The following KCTD10 variants were observed in gnomAD, a reference collection of about 807,000 sequenced individuals.
KCTD10 encodes the protein BTB/POZ domain-containing adapter for CUL3-mediated RhoA degradation protein 3.
A neutral mutation model predicts 34.6 loss-of-function variants in KCTD10; 13 were observed. The observed-to-expected ratio is 0.38, with a 90% CI of 0.24 to 0.60. The LOEUF is 0.60. Ranked by LOEUF, KCTD10 falls within the 20% of genes least tolerant of loss-of-function variation. The probability of loss-of-function intolerance (pLI) is 0.66; values close to 1 mark genes in which losing one functional copy is unlikely to be tolerated. For synonymous variants in KCTD10, 156 were observed against 168.8 expected, an observed-to-expected ratio of 0.92 and a Z score of 0.59; for missense variants, 256 against 420.3, an observed-to-expected ratio of 0.61 and a Z score of 3.42.
At chr12:109,453,725 C>T (rs561186852) in intron 6 of KCTD10, among the ~76,000 whole-genome samples, 1 of 152,330 alleles carries the variant, frequency 6.6e-6, no homozygotes, top group South Asian at 2.1e-4. Flanking sequence ...CCCCAGCTTT[C>T]TGGCTGGCCG....
intron 1 of KCTD10, chr12:109,470,008 CA>C: frequency 8.1e-7 from 1 of 1,239,212 alleles, no homozygotes; most frequent in Non-Finnish European, 1.0e-6. Flanking sequence ...TAGTTTGTCC[CA>C]AAACCCACCC....
intron 2 of KCTD10, among the ~76,000 whole-genome samples, chr12:109,462,083 G>C (rs570421743): frequency 6.6e-6 from 1 of 152,358 alleles, no homozygotes; most frequent in Non-Finnish European, 1.5e-5. Context: ...CAAAAGTTGA[G>C]AGCAGCAAAC....
chr12:109,457,763 G>C, intron 4 of KCTD10, 81 bp from the exon 5 acceptor site: 1 of 1,415,508 alleles, frequency 7.1e-7, no homozygotes, highest in Non-Finnish European at 1.0e-6. Flanking sequence ...ATAGGGCTGG[G>C]GCCCTGCCCT....
intron 1 of KCTD10, 199 bp from the exon 2 acceptor site, chr12:109,469,927 C>T: frequency 7.8e-7 from 1 of 1,287,002 alleles, no homozygotes; most frequent in Non-Finnish European, 1.0e-6. Flanking sequence ...CAGAGGCCAA[C>T]TGGGCTAGCA....
In KCTD10 at chr12:109,450,534, T is replaced by C. The variant is rs1249455497; in HGVS notation, c.*1061A>G. ...TCAGAGGCAAAGACAAGGGGGTCTG[T>C]GTTTATAGCAGGGAAGCTCCCTGGG... On this transcript the variant is annotated 3_prime_UTR_variant, in exon 7 of 7. Transcript: ENST00000228495. 1 of 396,564 alleles carries C rather than the reference T, an allele frequency of 2.5e-6. No homozygotes were observed. The highest frequency in any genetic ancestry group is 2.1e-5 in the African/African-American group (1 of 48,536). The allele number at this position is 396,564 out of a possible 1,614,324, so 24.6% of individuals were successfully genotyped here.
chr12:109,450,413 C>T lies in KCTD10; in HGVS notation c.*1182G>A. ...CCCACAGTCACACATATCCCTTAAA[C>T]AAACATGAACACAGACACAAACCAG... On this transcript the variant is annotated 3_prime_UTR_variant, in exon 7 of 7. Coordinates refer to ENST00000228495, the MANE Select transcript of KCTD10 (RefSeq NM_031954.5). The T allele has an allele frequency of 5.0e-6, 2 of 399,292 alleles. No homozygotes were observed. The highest frequency in any genetic ancestry group is 8.8e-6 in the Non-Finnish European group (2 of 226,476). The allele number at this position is 399,292 out of a possible 1,614,324, so 24.7% of individuals were successfully genotyped here. A position where few individuals can be genotyped will look rare whatever the true frequency, so the allele number is the denominator to read the frequency against.
Position 109,460,900 on chromosome 12 carries a change from C to G in KCTD10, c.218-95G>C. 1 of 1,285,948 alleles carries G rather than the reference C, an allele frequency of 7.8e-7. No individual in the cohort carries two copies. Among genetic ancestry groups the G allele is most frequent in the Middle Eastern group, 2.5e-4 (1 of 3,962 alleles). The allele number at this position is 1,285,948 out of a possible 1,614,324, so 79.7% of individuals were successfully genotyped here. A position where few individuals can be genotyped will look rare whatever the true frequency, so the allele number is the denominator to read the frequency against. On this transcript the variant is annotated intron_variant, in intron 2 of 6. Transcript: ENST00000228495. The surrounding 1 kb of genome is among the most constrained non-coding windows in gnomAD (Gnocchi z 4.5). ...GGTGTCTCTCGGCTCCCTCTACCTCCCAGCGGAGAGCGGGACTGCCTGGAG... is the reference window on the plus strand; with the variant it reads ...GGTGTCTCTCGGCTCCCTCTACCTCGCAGCGGAGAGCGGGACTGCCTGGAG...
At chr12:109,462,129 C>G (rs975162675) in intron 2 of KCTD10, among the ~76,000 whole-genome samples, 2 of 152,178 alleles carry the variant, frequency 1.3e-5, no homozygotes, top group Non-Finnish European at 2.9e-5. Context: ...TAAGTCTGCC[C>G]GCTTTCCCCT....
chr12:109,468,653 C>CTTT (rs34623703), intron 2 of KCTD10, among the ~76,000 whole-genome samples: 1,622 of 132,414 alleles, frequency 0.012, 55 homozygotes, highest in East Asian at 0.056. Flanking sequence ...AATTCTTTGC[C>CTTT]TTTTTTTTTT....
Position 109,460,794 on chromosome 12 carries a change from T to C in KCTD10, c.229A>G (p.Ile77Val). Residue 77 changes from isoleucine to valine, a missense_variant, in exon 3 of 7, where the codon ATT becomes GTT. Around this residue, in one of 3 missense-constraint regions of KCTD10, gnomAD observed 155 missense variants for 207.0 expected, o/e 0.75. Transcript: ENST00000228495. The surrounding 1 kb of genome is among the most constrained non-coding windows in gnomAD (Gnocchi z 4.5). ...VLTDSEGWILIDRCGKHFGTI... is the reference protein window; with the variant it reads ...VLTDSEGWILVDRCGKHFGTI... ...CCAAAGTGCTTCCCACAGCGGTCAA[T>C]GAGGATCCAGCCTGCAGAGGGAGGA... 1 of 1,614,040 alleles carries C rather than the reference T, an allele frequency of 6.2e-7. No individual in the cohort carries two copies. The highest frequency in any genetic ancestry group is 8.5e-7 in the Non-Finnish European group (1 of 1,179,930).
intron 1 of KCTD10, among the ~76,000 whole-genome samples, chr12:109,473,596 C>T (rs1467405847): frequency 6.6e-6 from 1 of 152,122 alleles, no homozygotes; most frequent in East Asian, 1.9e-4. Flanking sequence ...CTTTTCAGAG[C>T]TCACCCTCTC....
chr12:109,460,625 G>T lies in KCTD10; in HGVS notation c.387+11C>A, dbSNP rs1566054711. On this transcript the variant is annotated intron_variant, in intron 3 of 6. Transcript: ENST00000228495. The surrounding 1 kb of genome is among the most constrained non-coding windows in gnomAD (Gnocchi z 4.5). ...CTCTCCACCCATATGGGAAGAAAGG[G>T]TGATGCCTACTTGTAGGGCCGCCTG... The T allele has an allele frequency of 6.2e-7, 1 of 1,612,070 alleles. No individual in the cohort carries two copies. The highest frequency in any genetic ancestry group is 2.2e-5 in the East Asian group (1 of 44,844).
rs1439761655 is a variant in KCTD10 at position 109,449,617 on chromosome 12, T to G, written c.*1978A>C. On this transcript the variant is annotated 3_prime_UTR_variant, in exon 7 of 7. Transcript: ENST00000228495. The stretch of plus-strand genomic sequence containing the variant: ...GATGGGTACCTGCAATCCCAGCTAC[T>G]CGGGAGGCTGAGGCAGCAGAATCGC... The G allele has an allele frequency of 1.3e-5, 2 of 152,102 alleles. No homozygotes were observed. Among genetic ancestry groups the G allele is most frequent in the East Asian group, 3.9e-4 (2 of 5,190 alleles). 9.4% of individuals were successfully genotyped at this position (152,102 alleles called of 1,614,324 possible). A position where few individuals can be genotyped will look rare whatever the true frequency, so the allele number is the denominator to read the frequency against.
Position 109,456,158 on chromosome 12 carries a change from C to A in KCTD10, c.683G>T (p.Cys228Phe), listed in dbSNP as rs752171714. The A allele has an allele frequency of 6.2e-7, 1 of 1,614,152 alleles. No homozygotes were observed. Among genetic ancestry groups the A allele is most frequent in the Non-Finnish European group, 8.5e-7 (1 of 1,180,032 alleles). Residue 228 changes from cysteine (C) to phenylalanine (F), a missense_variant, in exon 6 of 7, where the codon TGT (cysteine) becomes TTT (phenylalanine). By Grantham distance (205) the Cys-to-Phe change is radical. Transcript: ENST00000228495. The stretch of plus-strand genomic sequence containing the variant: ...CTCAGTGGCATAGACGATGGAGGTA[C>A]AACAGACTTCAGCAATCTTCCGGCC... The part of the protein sequence containing the change: ...GQGRKIAEVC[C>F]TSIVYATEKK...
At chr12:109,458,418 T>A in intron 3 of KCTD10, 1 of 199,394 alleles carries the variant, frequency 5.0e-6, no homozygotes, top group South Asian at 1.3e-4. Flanking sequence ...CTACCATGAC[T>A]GCAGAGGAAT....
In KCTD10 at chr12:109,451,761, T is replaced by C; in HGVS notation, c.776A>G (p.Tyr259Cys). Reference protein sequence around the residue: ...IYEETLNILLYEAQDGRGPDN... With the variant: ...IYEETLNILLCEAQDGRGPDN... ...AGGTCCCCGGCCATCCTGGGCCTCA[T>C]ACAGCAAAATGTTCAGGGTCTCCTC... Residue 259 changes from tyrosine (Y) to cysteine (C), a missense_variant, in exon 7 of 7, where the codon TAT becomes TGT. By Grantham distance (194) the Tyr-to-Cys change is radical. Transcript: ENST00000228495. This position sits in a 1 kb window ranked among gnomAD's most constrained non-coding sequence, Gnocchi z 5.0. The C allele has an allele frequency of 1.9e-6, 3 of 1,614,168 alleles. No individual in the cohort carries two copies. The highest frequency in any genetic ancestry group is 1.7e-6 in the Non-Finnish European group (2 of 1,180,016).
rs903543061 is a variant in KCTD10, at chr12:109,472,366, A to G, written c.4-2638T>C. Among the ~76,000 whole-genome samples the G allele has an allele frequency of 6.6e-5, 10 of 152,182 alleles. No individual in the cohort carries two copies. The East Asian group carries it at 1.9e-3, about 29-fold the overall frequency. Reference sequence around the variant, plus strand: ...GCCTAGCCTACACAGGGTCAGGATTATCAGTATCACTGTCCTCCACATCCT... The same window carrying G: ...GCCTAGCCTACACAGGGTCAGGATTGTCAGTATCACTGTCCTCCACATCCT... On this transcript the variant is annotated intron_variant, in intron 1 of 6. Transcript: ENST00000228495.
intron 2 of KCTD10, among the ~76,000 whole-genome samples, chr12:109,466,924 A>C (rs1021042639): frequency 1.3e-5 from 2 of 152,258 alleles, no homozygotes; most frequent in South Asian, 4.1e-4. Flanking sequence ...TGTAGACCCA[A>C]GGGTGCATTT....
At chr12:109,476,997 C>A (rs11615336) in intron 1 of KCTD10, among the ~76,000 whole-genome samples, 25,630 of 151,900 alleles carry the variant, frequency 0.17, 2,223 homozygotes, top group African/African-American at 0.18. Flanking sequence ...CACGCACACA[C>A]GTATCTACTC....
Sources: allele counts gnomAD v4.1 joint callset (sites outside exome capture counted in the v4.1 genomes callset), GRCh38; gene constraint gnomAD v4.1.1; regional missense constraint gnomAD v4.1.1; non-coding constraint Gnocchi (gnomAD v3.1); transcripts MANE v1.5; gene names NCBI Gene and HGNC (gene_info 2026-07-23, HGNC 2026-07-21).